The following GEN1 variants were observed in gnomAD, a reference collection of about 807,000 sequenced individuals.
GEN1 encodes the protein flap endonuclease GEN homolog 1.
GEN1 carries 64 observed loss-of-function variants against 67.6 expected under a neutral mutation model. The ratio of observed to expected loss-of-function variants is 0.95; its 90% CI spans 0.77 to 1.17. The LOEUF (loss-of-function observed/expected upper bound fraction) is 1.17. Among genes scored for constraint, GEN1 ranks in the 50% most tolerant of loss-of-function variants. The pLI, the probability that GEN1 is intolerant of heterozygous loss-of-function variation, is 0.00. For missense variants in GEN1, 1,058 were observed against 1,048.3 expected (o/e 1.01, Z -0.13); for synonymous variants, 371 against 359.4 (o/e 1.03, Z -0.37).
At chr2:17,768,849 T>G in intron 6 of GEN1, 38 bp downstream of exon 6, 1 of 1,278,324 alleles carries the variant, frequency 7.8e-7, no homozygotes, top group Non-Finnish European at 1.1e-6. Flanking sequence ...CATTGAACCT[T>G]TATTCTTGCT....
At chr2:17,766,456 C>A in intron 4 of GEN1, 123 bp from the exon 5 acceptor site, 1 of 591,370 alleles carries the variant, frequency 1.7e-6, no homozygotes, top group Non-Finnish European at 2.9e-6. Flanking sequence ...AGGCATGAGC[C>A]ACCATGCCCA....
intron 12 of GEN1, among the ~76,000 whole-genome samples, chr2:17,778,453 TGTAC>T (rs66761070): frequency 0.21 from 6,344 of 29,856 alleles, 2,050 homozygotes; most frequent in East Asian, 0.97. Context: ...CATATATGTG[TGTAC>T]ATATATGTAT....
chr2:17,781,046 T>G lies in GEN1; in HGVS notation c.1834T>G (p.Ser612Ala). Residue 612 changes from serine to alanine, a missense_variant, in exon 14 of 14, where the codon TCA (serine) becomes GCA (alanine). Coordinates refer to ENST00000381254, the MANE Select transcript of GEN1 (RefSeq NM_001130009.3). ...QRNTFSHDLK[S>A]EVESELSAIP... ...GAATACTTTTTCTCATGATTTAAAA[T>G]CAGAAGTTGAATCAGAGCTATCAGC... 6.2e-7 allele frequency: 1 copy of G among 1,613,938 alleles called. No homozygotes were observed. The highest frequency in any genetic ancestry group is 1.1e-5 in the South Asian group (1 of 91,072).
chr2:17,762,727 C>T (rs545605441), intron 3 of GEN1, among the ~76,000 whole-genome samples: 6 of 152,236 alleles, frequency 3.9e-5, no homozygotes, highest in African/African-American at 1.4e-4. Context: ...CTCTACTATA[C>T]ATGGAAGTGT....
chr2:17,757,865 T>G (rs772604594), intron 1 of GEN1, among the ~76,000 whole-genome samples: 1 of 152,222 alleles, frequency 6.6e-6, no homozygotes, highest in Non-Finnish European at 1.5e-5. Flanking sequence ...ATTTTTTAAC[T>G]TTTTTCTAAT....
chr2:17,785,444 T>TA lies in GEN1; in HGVS notation c.*3506dup, dbSNP rs1031466657. On this transcript the variant is annotated 3_prime_UTR_variant, in exon 14 of 14. Transcript: ENST00000381254. The stretch of plus-strand genomic sequence containing the variant: ...GAGGATGCCTTGCTTCCCTTTGAAA[T>TA]ACTCTGCCAAAGATCTGCCTCCAGC... 1 of 152,358 alleles carries TA rather than the reference T, an allele frequency of 6.6e-6. No homozygotes were observed. Among genetic ancestry groups the TA allele is most frequent in the Non-Finnish European group, 1.5e-5 (1 of 68,126 alleles). 9.4% of individuals were successfully genotyped at this position (152,358 alleles called of 1,614,324 possible). A position where few individuals can be genotyped will look rare whatever the true frequency, so the allele number is the denominator to read the frequency against.
chr2:17,760,157 ATC>A, intron 2 of GEN1, 53 bp downstream of exon 2: 1 of 1,470,344 alleles, frequency 6.8e-7, no homozygotes, highest in Non-Finnish European at 9.2e-7. Context: ...CAGTCTTGGT[ATC>A]TTGATTTTGT....
At position 17,780,748 on chromosome 2, in the gene GEN1, C is replaced by A. The variant is rs571920756; in HGVS notation, c.1536C>A (p.Ser512=). 3.1e-6 allele frequency: 5 copies of A among 1,613,942 alleles called. No individual in the cohort carries two copies. The South Asian group carries it at 4.4e-5, about 14-fold the overall frequency. ...KQNSKLNSGI[S]PDPTLPQESI... The stretch of plus-strand genomic sequence containing the variant: ...ATTCCAAGTTAAATTCGGGGATTTC[C>A]CCTGATCCTACATTACCACAGGAAT... Residue 512 remains serine (S), a synonymous_variant, in exon 14 of 14, where the codon TCC becomes TCA. Transcript: ENST00000381254.
chr2:17,787,461 T>C lies in GEN1; in HGVS notation c.*5522T>C, dbSNP rs1673096239. 1 of 152,254 alleles carries C rather than the reference T, an allele frequency of 6.6e-6. No homozygotes were observed. Among genetic ancestry groups the C allele is most frequent in the Non-Finnish European group, 1.5e-5 (1 of 68,066 alleles). The allele number at this position is 152,254 out of a possible 1,614,324, so 9.4% of individuals were successfully genotyped here. ...AAACGTGGTCTTCTCTAAGAAAGTC[T>C]TCTGTTGCTTCTCTGGATCGCTGCT... On this transcript the variant is annotated 3_prime_UTR_variant, in exon 14 of 14. Transcript: ENST00000381254.
intron 1 of GEN1, chr2:17,755,453 GTATT>G (rs1671382126): frequency 1.3e-5 from 2 of 152,116 alleles, no homozygotes; most frequent in Admixed American, 1.3e-4. Context: ...CATTTAATAA[GTATT>G]TATTGATAAA....
At chr2:17,774,427 G>C (rs73218899) in intron 11 of GEN1, 26 bp downstream of exon 11, 1 of 1,543,384 alleles carries the variant, frequency 6.5e-7, no homozygotes, top group Non-Finnish European at 8.7e-7. Context: ...GTATGGTGAA[G>C]GTGGTGTTTT....
At chr2:17,772,573 G>T (rs1266540051) in intron 7 of GEN1, 61 bp from the exon 8 acceptor site, 1 of 1,457,554 alleles carries the variant, frequency 6.9e-7, no homozygotes, top group Non-Finnish European at 9.3e-7. Flanking sequence ...CAAAAAGAAT[G>T]TATGTAGAAA....
chr2:17,779,017 G>A (rs796968503), intron 12 of GEN1, among the ~76,000 whole-genome samples: 10 of 152,292 alleles, frequency 6.6e-5, no homozygotes, highest in South Asian at 2.1e-4. Flanking sequence ...TCTGCCTCCT[G>A]GTTCAAGTGA....
chr2:17,774,689 C>T (rs1023382959), intron 11 of GEN1, among the ~76,000 whole-genome samples: 8 of 151,594 alleles, frequency 5.3e-5, no homozygotes, highest in East Asian at 1.9e-4. Context: ...AAGGAACAAA[C>T]GTGTTAAGGG....
At chr2:17,757,131 T>C (rs1033194304) in intron 1 of GEN1, among the ~76,000 whole-genome samples, 1 of 152,034 alleles carries the variant, frequency 6.6e-6, no homozygotes, top group African/African-American at 2.4e-5. Context: ...AGAAATGAAA[T>C]AATAAAAACT....
Position 17,786,319 on chromosome 2 carries a change from A to G in GEN1, c.*4380A>G, listed in dbSNP as rs750772. The G allele has an allele frequency of 0.18, 27,216 of 152,162 alleles. 3,481 individuals carry two copies. The highest frequency in any genetic ancestry group is 0.37 in the African/African-American group (15,353 of 41,454). 9.4% of individuals were successfully genotyped at this position (152,162 alleles called of 1,614,324 possible). A position where few individuals can be genotyped will look rare whatever the true frequency, so the allele number is the denominator to read the frequency against. ...TTGGTAAAAATGTGGACACAGTAACACTAGTAGGGGGCAGTGTGAGGGTGG... is the reference window on the plus strand; with the variant it reads ...TTGGTAAAAATGTGGACACAGTAACGCTAGTAGGGGGCAGTGTGAGGGTGG... On this transcript the variant is annotated 3_prime_UTR_variant, in exon 14 of 14. Transcript: ENST00000381254.
At chr2:17,753,371 C>CCCTGGGAGGGGACGGCCGCCTG (rs1487450769), upstream of GEN1, among the ~76,000 whole-genome samples, 2 of 51,444 alleles carry the variant, frequency 3.9e-5, no homozygotes, top group African/African-American at 1.3e-4. Context: ...GGGGACGGCC[C>CCCTGGGAGGGGACGGCCGCCTG]GGAGCAGACG....
chr2:17,759,699 G>A (rs773918840), intron 1 of GEN1, among the ~76,000 whole-genome samples: 2 of 151,916 alleles, frequency 1.3e-5, no homozygotes, highest in Non-Finnish European at 2.9e-5. Flanking sequence ...CCTTGCATTC[G>A]CTACCGATCT....
intron 1 of GEN1, chr2:17,754,671 C>T (rs1671316785): frequency 6.6e-6 from 1 of 152,292 alleles, no homozygotes; most frequent in Non-Finnish European, 1.5e-5. Flanking sequence ...CAAAGCCATC[C>T]CGGGAGAGCC....
Sources: allele counts gnomAD v4.1 joint callset (sites outside exome capture counted in the v4.1 genomes callset), GRCh38; gene constraint gnomAD v4.1.1; transcripts MANE v1.5; gene names NCBI Gene and HGNC (gene_info 2026-07-23, HGNC 2026-07-21).